Variants in ACSM2B observed in about 807,000 individuals in gnomAD.
ACSM2B encodes the protein acyl-coenzyme A synthetase ACSM2B, mitochondrial.
ACSM2B carries 58 observed loss-of-function variants against 78.6 expected under a neutral mutation model. The ratio of observed to expected loss-of-function variants is 0.74; its 90% CI spans 0.60 to 0.92. The LOEUF (loss-of-function observed/expected upper bound fraction) is 0.92, where lower values mean the gene tolerates loss of function less well. ACSM2B is among the 40% of genes least tolerant of loss of function. The probability of loss-of-function intolerance (pLI) is 0.00; values close to 1 mark genes in which losing one functional copy is unlikely to be tolerated. For missense variants in ACSM2B, 688 were observed against 711.2 expected, an observed-to-expected ratio of 0.97 and a Z score of 0.37; for synonymous variants, 257 against 256.8, an observed-to-expected ratio of 1.00 and a Z score of -0.01.
rs148136861 is a variant in ACSM2B, at chr16:20,559,303, G to T, written c.322C>A (p.Arg108Ser). Residue 108 changes from arginine (R) to serine (S), a missense_variant, in exon 3 of 14, where the codon CGT becomes AGT. Physicochemically the swap from Arg to Ser is moderately radical, Grantham distance 110. Transcript: ENST00000329697. ...SGACGLQRGD[R>S]VAVMLPRVPE... ...ACTCGGGGCAGCATCACTGCCACAC[G>T]ATCCCCACGCTGCAGGCCACAGGCT... 3 of 1,613,548 alleles carry T rather than the reference G, an allele frequency of 1.9e-6. No individual in the cohort carries two copies. The highest frequency in any genetic ancestry group is 2.5e-6 in the Non-Finnish European group (3 of 1,179,732).
intron 9 of ACSM2B, among the ~76,000 whole-genome samples, chr16:20,545,573 C>T (rs1227720486): frequency 6.6e-6 from 1 of 152,142 alleles, no homozygotes; most frequent in African/African-American, 2.4e-5. Context: ...ACTTAGAAAT[C>T]GGGCAGATCA....
intron 1 of ACSM2B, among the ~76,000 whole-genome samples, chr16:20,567,630 C>A (rs1302710359): frequency 1.1e-4 from 14 of 131,930 alleles, no homozygotes; most frequent in African/African-American, 2.3e-4. Flanking sequence ...TATATTATAT[C>A]TATATCTATA....
chr16:20,551,338 G>C (rs1320282008), intron 6 of ACSM2B, among the ~76,000 whole-genome samples: 3 of 152,076 alleles, frequency 2.0e-5, no homozygotes, highest in Non-Finnish European at 4.4e-5. Flanking sequence ...CCCTCAACTT[G>C]ATGGTATTTG....
At position 20,543,319 on chromosome 16, in the gene ACSM2B, T is replaced by G. The variant is rs1455825969; in HGVS notation, c.1282-57A>C. The G allele has an allele frequency of 1.8e-5, 29 of 1,611,828 alleles. No homozygotes were observed. In the Admixed American group the frequency reaches 1.8e-4, roughly 10 times the overall value. On this transcript the variant is annotated intron_variant, in intron 10 of 13. Coordinates refer to ENST00000329697, the MANE Select transcript of ACSM2B (RefSeq NM_001105069.2). ...CCTGCAAAGCCTAAATCCCCTGCCC[T>G]GGGGCTGCCATGAACAAATGCTATG...
intron 2 of ACSM2B, among the ~76,000 whole-genome samples, chr16:20,559,812 A>G (rs9927907): frequency 0.057 from 8,570 of 150,828 alleles, 1,292 homozygotes; most frequent in African/African-American, 0.2. Flanking sequence ...TTATTCTGCA[A>G]TTCCCTTTAA....
chr16:20,547,685 A>G (rs1263510304), intron 8 of ACSM2B: 1 of 1,091,162 alleles, frequency 9.2e-7, no homozygotes, highest in African/African-American at 1.7e-5. Context: ...TGTTTGATAA[A>G]CTTTGGTCTC....
rs2015036254 is a variant in ACSM2B, at chr16:20,542,909, A to G, written c.1509+5T>C. 3 of 1,613,454 alleles carry G rather than the reference A, an allele frequency of 1.9e-6. No individual in the cohort carries two copies. Among genetic ancestry groups the G allele is most frequent in the East Asian group, 2.2e-5 (1 of 44,882 alleles). ...TTCACCCCCAGGCTACTGCTTCCCC[A>G]TCACCTCTCCTCGGACGGGGTCTGG... On this transcript the variant is annotated splice_donor_5th_base_variant and intron_variant, in intron 12 of 13. Coordinates refer to ENST00000329697, the MANE Select transcript of ACSM2B (RefSeq NM_001105069.2).
intron 3 of ACSM2B, 35 bp downstream of exon 3, chr16:20,559,202 A>G: frequency 6.6e-7 from 1 of 1,524,046 alleles, no homozygotes; most frequent in Middle Eastern, 1.8e-4. Flanking sequence ...CTTCACAAGG[A>G]AGACAGTTCT....
chr16:20,564,195 G>A (rs1367147631), intron 2 of ACSM2B, among the ~76,000 whole-genome samples: 1 of 152,104 alleles, frequency 6.6e-6, no homozygotes, highest in Non-Finnish European at 1.5e-5. Context: ...CTGGGCTCAA[G>A]CAATCTTGCC....
At chr16:20,555,561 C>A in intron 3 of ACSM2B, 85 bp from the exon 4 acceptor site, 9 of 1,584,114 alleles carry the variant, frequency 5.7e-6, no homozygotes, top group South Asian at 2.3e-5. Flanking sequence ...AAGCAGGGAG[C>A]AAGTGGGGAA....
chr16:20,538,455 G>T (rs11648341), intron 13 of ACSM2B, among the ~76,000 whole-genome samples: 1 of 152,054 alleles, frequency 6.6e-6, no homozygotes, highest in Non-Finnish European at 1.5e-5. Context: ...TACTATTTGG[G>T]CCCCAAAGGG....
chr16:20,544,888 T>G (rs1286491250), intron 10 of ACSM2B: 9 of 1,140,546 alleles, frequency 7.9e-6, no homozygotes, highest in Non-Finnish European at 9.8e-6. Flanking sequence ...TCAATAATAT[T>G]TTGGGCATGA....
At chr16:20,563,740 T>C (rs141961828) in intron 2 of ACSM2B, among the ~76,000 whole-genome samples, 15,028 of 146,952 alleles carry the variant, frequency 0.1, 849 homozygotes, top group African/African-American at 0.26. Context: ...TGTTTCATAG[T>C]GTAGGGAACT....
At chr16:20,545,069 G>C in intron 10 of ACSM2B, 88 bp downstream of exon 10, 2 of 1,451,292 alleles carry the variant, frequency 1.4e-6, no homozygotes, top group Non-Finnish European at 1.9e-6. Context: ...AATGCCTCTT[G>C]GAAGTTTCAG....
chr16:20,560,243 T>A (rs991217193), intron 2 of ACSM2B, among the ~76,000 whole-genome samples: 1 of 151,740 alleles, frequency 6.6e-6, no homozygotes, highest in East Asian at 1.9e-4. Context: ...TCTAGATACA[T>A]GATATTGTCT....
Position 20,548,119 on chromosome 16 carries a change from C to G in ACSM2B, c.1041G>C (p.Glu347Asp). ...CCAGTCCTGTCTGGGCCCTCCAGTT[C>G]TCCAGAGTTTCTGGAAGAAGGGACT... ...GGESLLPETL[E>D]NWRAQTGLDI... The change falls in exon 8 of 14, where the codon GAG becomes GAC. Residue 347 changes from glutamate (E) to aspartate (D), a missense_variant. Glu to Asp is a conservative substitution (Grantham distance 45). Coordinates refer to ENST00000329697, the MANE Select transcript of ACSM2B (RefSeq NM_001105069.2). The G allele has an allele frequency of 6.2e-7, 1 of 1,614,056 alleles. No homozygotes were observed. Among genetic ancestry groups the G allele is most frequent in the Non-Finnish European group, 8.5e-7 (1 of 1,179,940 alleles).
chr16:20,568,273 GTATA>G (rs1432593870), intron 1 of ACSM2B, among the ~76,000 whole-genome samples: 3 of 142,182 alleles, frequency 2.1e-5, no homozygotes, highest in Non-Finnish European at 4.6e-5. Flanking sequence ...AGAACATATA[GTATA>G]TATAGATATA....
At chr16:20,545,286 G>T (rs2015103934) in intron 9 of ACSM2B, 28 bp from the exon 10 acceptor site, 2 of 1,607,266 alleles carry the variant, frequency 1.2e-6, no homozygotes, top group South Asian at 1.1e-5. Context: ...TTGGAAGAAT[G>T]ACGCACACAG....
At chr16:20,560,811 A>T (rs531708676) in intron 2 of ACSM2B, among the ~76,000 whole-genome samples, 1 of 152,162 alleles carries the variant, frequency 6.6e-6, no homozygotes, top group South Asian at 2.1e-4. Context: ...ATAGTTGTGA[A>T]CAAAATGCTG....
Sources: allele counts gnomAD v4.1 joint callset (sites outside exome capture counted in the v4.1 genomes callset), GRCh38; gene constraint gnomAD v4.1.1; transcripts MANE v1.5; gene names NCBI Gene and HGNC (gene_info 2026-07-23, HGNC 2026-07-21).